The following CTNNA2 variants were observed in gnomAD, a reference collection of about 807,000 sequenced individuals.
The protein encoded by CTNNA2 is catenin alpha 2.
Under a neutral mutation model 101.0 loss-of-function variants are expected in CTNNA2, and 42 were observed. That is an observed-to-expected ratio of 0.42 (90% CI 0.32 to 0.54). The LOEUF (loss-of-function observed/expected upper bound fraction) is 0.54, where lower values mean the gene tolerates loss of function less well. Ranked by LOEUF, CTNNA2 falls within the 20% of genes least tolerant of loss-of-function variation. The pLI, the probability that CTNNA2 is intolerant of heterozygous loss-of-function variation, is 0.14. For missense variants in CTNNA2, 871 were observed against 1,223.1 expected (o/e 0.71, Z 4.29); for synonymous variants, 450 against 456.4 (o/e 0.99, Z 0.18).
intron 9 of CTNNA2, among the ~76,000 whole-genome samples, chr2:80,512,570 C>T (rs891924355): frequency 1.3e-5 from 2 of 152,164 alleles, no homozygotes; most frequent in East Asian, 3.9e-4. Context: ...CTCAGGTTAA[C>T]GTTTAAAATT....
intron 12 of CTNNA2, among the ~76,000 whole-genome samples, chr2:80,559,059 A>C (rs1429848420): frequency 6.6e-6 from 1 of 152,160 alleles, no homozygotes; most frequent in African/African-American, 2.4e-5. Context: ...CTACATGCCA[A>C]GTTGTAACCA....
chr2:80,188,108 A>G (rs1706249383), intron 7 of CTNNA2, among the ~76,000 whole-genome samples: 2 of 152,162 alleles, frequency 1.3e-5, no homozygotes, highest in Admixed American at 6.5e-5. Context: ...CTTTGAAGAC[A>G]ATATTTTCGA....
At chr2:80,112,637 A>G (rs536036611) in intron 7 of CTNNA2, among the ~76,000 whole-genome samples, 1 of 152,242 alleles carries the variant, frequency 6.6e-6, no homozygotes, top group South Asian at 2.1e-4. Flanking sequence ...CCTTTGAATG[A>G]TGTATAGTCA....
rs1276539783 is a variant in CTNNA2 at position 80,423,207 on chromosome 2, T to A, written c.1290+3606T>A. Among the ~76,000 whole-genome samples, 3 of 152,142 alleles carry A rather than the reference T, an allele frequency of 2.0e-5. No homozygotes were observed. In the South Asian group the frequency reaches 6.2e-4, roughly 31 times the overall value. ...CTCTCTTTATAGTTCTTTTTGGTTT[T>A]TTCCTGCTTTCTTCCAGTAAAACTT... On this transcript the variant is annotated intron_variant, in intron 9 of 18. Coordinates refer to ENST00000402739, the MANE Select transcript of CTNNA2 (RefSeq NM_001282597.3).
chr2:79,610,044 G>A (rs1440098008), intron 1 of CTNNA2, among the ~76,000 whole-genome samples: 2 of 152,092 alleles, frequency 1.3e-5, no homozygotes, highest in Admixed American at 1.3e-4. Flanking sequence ...AAGAACTTAT[G>A]TCCAGAATGT....
intron 8 of CTNNA2, among the ~76,000 whole-genome samples, chr2:80,418,934 C>T (rs1489576805): frequency 6.6e-6 from 1 of 152,128 alleles, no homozygotes; most frequent in African/African-American, 2.4e-5. Flanking sequence ...CACCTGGGCA[C>T]AAACAGTTTT....
intron 7 of CTNNA2, among the ~76,000 whole-genome samples, chr2:79,948,105 T>C (rs1434103): frequency 0.5 from 76,040 of 151,658 alleles, 19,607 homozygotes; most frequent in Middle Eastern, 0.58. Context: ...ATGTGCTAGG[T>C]GAATAAAAGG....
At chr2:79,468,506 A>ACTCAG (rs1457747984) in intron 4 of CTNNA2, among the ~76,000 whole-genome samples, 3 of 152,140 alleles carry the variant, frequency 2.0e-5, no homozygotes, top group African/African-American at 7.2e-5. Context: ...CAGGAATTGA[A>ACTCAG]CTCAGCTCTG....
chr2:79,578,841 C>CT (rs906899107), intron 1 of CTNNA2, among the ~76,000 whole-genome samples: 4 of 151,952 alleles, frequency 2.6e-5, no homozygotes, highest in Non-Finnish European at 1.5e-5. Flanking sequence ...CCTTCCTTCC[C>CT]TGTAGTCTTT....
chr2:80,398,170 T>C (rs560355276), intron 8 of CTNNA2, among the ~76,000 whole-genome samples: 58 of 152,342 alleles, frequency 3.8e-4, no homozygotes, highest in African/African-American at 1.4e-3. Flanking sequence ...AAAACATGAA[T>C]TATAGACTTT....
At position 80,187,987 on chromosome 2, in the gene CTNNA2, C is replaced by T. The variant is rs973886859; in HGVS notation, c.1057-205224C>T. The stretch of plus-strand genomic sequence containing the variant: ...CATCAGAACAAAGTTTACAGGATGT[C>T]CTGGTGTAGCCAGAAGGACAGAGAA... On this transcript the variant is annotated intron_variant, in intron 7 of 18. Coordinates refer to ENST00000402739, the MANE Select transcript of CTNNA2 (RefSeq NM_001282597.3). Among the ~76,000 whole-genome samples, 5 of 152,224 alleles carry T rather than the reference C, an allele frequency of 3.3e-5. No individual in the cohort carries two copies. The East Asian group carries it at 9.7e-4, about 29-fold the overall frequency.
At chr2:79,837,945 A>G (rs1024471156) in intron 3 of CTNNA2, among the ~76,000 whole-genome samples, 4 of 152,178 alleles carry the variant, frequency 2.6e-5, no homozygotes, top group African/African-American at 4.8e-5. Context: ...GACTAATATT[A>G]TGCAAGGTGA....
intron 12 of CTNNA2, among the ~76,000 whole-genome samples, chr2:80,557,494 A>C (rs1573256503): frequency 1.3e-5 from 2 of 152,166 alleles, no homozygotes; most frequent in East Asian, 3.9e-4. Flanking sequence ...TATCTGACAG[A>C]GTAACACTCA....
intron 7 of CTNNA2, among the ~76,000 whole-genome samples, chr2:80,178,854 C>G (rs1305209112): frequency 6.6e-6 from 1 of 152,112 alleles, no homozygotes; most frequent in African/African-American, 2.4e-5. Flanking sequence ...GTAGAAGGTC[C>G]CTGAATTTTA....
At chr2:80,139,247 A>C (rs2148906750) in intron 7 of CTNNA2, among the ~76,000 whole-genome samples, 1 of 152,154 alleles carries the variant, frequency 6.6e-6, no homozygotes, top group African/African-American at 2.4e-5. Context: ...TGAGTCCACC[A>C]CCTCTTACTC....
At chr2:79,330,058 A>G (rs75632623) in intron 3 of CTNNA2, among the ~76,000 whole-genome samples, 3,439 of 152,240 alleles carry the variant, frequency 0.023, 122 homozygotes, top group African/African-American at 0.068. Context: ...ACAATAGTGA[A>G]GGAAGTAGTG....
intron 7 of CTNNA2, among the ~76,000 whole-genome samples, chr2:80,111,497 A>T (rs542222757): frequency 6.6e-6 from 1 of 152,262 alleles, no homozygotes; most frequent in Admixed American, 6.5e-5. Flanking sequence ...GTGGAAAATA[A>T]TCTCTTCCCT....
chr2:80,052,408 A>C (rs563381932), intron 7 of CTNNA2, among the ~76,000 whole-genome samples: 1 of 152,356 alleles, frequency 6.6e-6, no homozygotes, highest in East Asian at 1.9e-4. Flanking sequence ...TAGATGTCAT[A>C]TAGCTACTAA....
At chr2:80,330,918 T>C (rs1671258531) in intron 7 of CTNNA2, among the ~76,000 whole-genome samples, 1 of 152,214 alleles carries the variant, frequency 6.6e-6, no homozygotes, top group African/African-American at 2.4e-5. Context: ...CCCAGGCTAA[T>C]ATTTCAGATT....
Sources: allele counts gnomAD v4.1 joint callset (sites outside exome capture counted in the v4.1 genomes callset), GRCh38; gene constraint gnomAD v4.1.1; transcripts MANE v1.5; gene names NCBI Gene and HGNC (gene_info 2026-07-23, HGNC 2026-07-21).